Variants in TENM2 observed in about 807,000 individuals in gnomAD.
TENM2 encodes teneurin-2.
In TENM2, 52 loss-of-function variants were observed where a neutral mutation model predicts 245.2. The ratio of observed to expected loss-of-function variants is 0.21; its 90% CI spans 0.17 to 0.27. The LOEUF (loss-of-function observed/expected upper bound fraction) is 0.27. Among genes scored for constraint, TENM2 ranks in the 10% least tolerant of loss-of-function variants. TENM2 has a pLI of 1.00. For synonymous variants in TENM2, 1,363 were observed against 1,438.9 expected, an observed-to-expected ratio of 0.95 and a Z score of 1.19; for missense variants, 3,046 against 3,666.8, an observed-to-expected ratio of 0.83 and a Z score of 4.37.
the TENM2 span, among the ~76,000 whole-genome samples, chr5:167,029,697 G>A: frequency 3.9e-5 from 6 of 152,268 alleles, no homozygotes; most frequent in East Asian, 5.8e-4. Context: ...AATTGCTGAC[G>A]TTTGTCCAGT....
chr5:167,210,451 A>AT, the TENM2 span, among the ~76,000 whole-genome samples: 8,980 of 101,154 alleles, frequency 0.089, 1,329 homozygotes, highest in African/African-American at 0.29. Flanking sequence ...TTTTCACTGC[A>AT]TTTTTTTTTT....
At chr5:167,289,680 C>G (rs533541409) in intron 1 of TENM2, among the ~76,000 whole-genome samples, 347 of 152,260 alleles carry the variant, frequency 2.3e-3, no homozygotes, top group Non-Finnish European at 3.2e-3. Context: ...ATAACTTTTG[C>G]TCTGTATAAT....
At chr5:167,230,563 C>T in the TENM2 span, among the ~76,000 whole-genome samples, 6 of 152,044 alleles carry the variant, frequency 3.9e-5, no homozygotes, top group African/African-American at 1.4e-4. Context: ...TAACGGCTTT[C>T]AAATCTAGTT....
intron 12 of TENM2, among the ~76,000 whole-genome samples, chr5:168,156,281 C>T (rs867495362): frequency 5.7e-4 from 43 of 75,846 alleles, no homozygotes; most frequent in African/African-American, 1.9e-3. Context: ...TTTTTTTTTT[C>T]ACCTCAGTTT....
chr5:168,109,925 G>A (rs377370761), intron 9 of TENM2, among the ~76,000 whole-genome samples: 3 of 152,048 alleles, frequency 2.0e-5, no homozygotes, highest in African/African-American at 7.2e-5. Context: ...TCCAAAACGC[G>A]GCAGCTCCTG....
intron 2 of TENM2, among the ~76,000 whole-genome samples, chr5:167,789,110 T>G (rs1181743980): frequency 6.6e-6 from 1 of 152,242 alleles, no homozygotes; most frequent in Non-Finnish European, 1.5e-5. Context: ...GGTTCATAAA[T>G]GTTTTCTAAT....
At chr5:167,337,660 T>G (rs935165365) in intron 1 of TENM2, among the ~76,000 whole-genome samples, 5 of 152,262 alleles carry the variant, frequency 3.3e-5, no homozygotes, top group African/African-American at 1.2e-4. Flanking sequence ...ATGGGATAAC[T>G]CTAAAGCAGA....
At chr5:167,142,871 C>G in the TENM2 span, among the ~76,000 whole-genome samples, 1 of 151,544 alleles carries the variant, frequency 6.6e-6, no homozygotes, top group Admixed American at 6.6e-5. Context: ...TTTAAGCCAG[C>G]GAATCTGAGT....
chr5:167,525,708 C>T (rs1186604483), intron 2 of TENM2, among the ~76,000 whole-genome samples: 1 of 151,954 alleles, frequency 6.6e-6, no homozygotes, highest in Non-Finnish European at 1.5e-5. Context: ...TTTTAAACTG[C>T]GATCATTTTA....
chr5:167,428,442 C>G (rs1177735127), intron 2 of TENM2, among the ~76,000 whole-genome samples: 2 of 152,156 alleles, frequency 1.3e-5, no homozygotes, highest in Non-Finnish European at 2.9e-5. Flanking sequence ...CGTTACTAAT[C>G]AGCAGCATTC....
At position 168,218,295 on chromosome 5, in the gene TENM2, A is replaced by G; in HGVS notation, c.4404A>G (p.Leu1468=). ...GCATTGACTACTCACTCAGCAAACT[A>G]GCCATTCACTCTGCCCTGGAGTCAG... The change falls in exon 23 of 29, where the codon CTA becomes CTG. Residue 1468 remains leucine, a synonymous_variant. Coordinates refer to ENST00000518659, the Ensembl canonical transcript of TENM2. The surrounding 1 kb of genome is among the most constrained non-coding windows in gnomAD (Gnocchi z 5.2). 1.2e-6 allele frequency: 2 copies of G among 1,613,802 alleles called. No homozygotes were observed. The highest frequency in any genetic ancestry group is 1.7e-6 in the Non-Finnish European group (2 of 1,179,884).
chr5:168,226,079 T>TC lies in TENM2; in HGVS notation c.5109-3dup, dbSNP rs769108187. 6.2e-7 allele frequency: 1 copy of TC among 1,609,340 alleles called. No homozygotes were observed. The highest frequency in any genetic ancestry group is 8.5e-7 in the Non-Finnish European group (1 of 1,178,406). On this transcript the variant is annotated splice_polypyrimidine_tract_variant and intron_variant, in intron 23 of 28. Coordinates refer to ENST00000518659, the Ensembl canonical transcript of TENM2. ...ACCAGGGTTTATCTATCTATCTATC[T>TC]CCCCCCAGCTATGACCACGAAGGCC...
chr5:167,878,275 GTCAC>G (rs1307501084), intron 3 of TENM2, among the ~76,000 whole-genome samples: 3 of 151,966 alleles, frequency 2.0e-5, no homozygotes, highest in Non-Finnish European at 4.4e-5. Flanking sequence ...TCCATTTTTC[GTCAC>G]TCACACCAAT....
At position 168,103,761 on chromosome 5, in the gene TENM2, G is replaced by A. The variant is rs114520030; in HGVS notation, c.1813+5634G>A. ...TCCCCCTCACACATAAGGCAGAGACGTGGGAAGCCTCGATCCCATTGGTCC... is the reference window on the plus strand; with the variant it reads ...TCCCCCTCACACATAAGGCAGAGACATGGGAAGCCTCGATCCCATTGGTCC... On this transcript the variant is annotated intron_variant, in intron 9 of 28. Coordinates refer to ENST00000518659, the Ensembl canonical transcript of TENM2. 1.0e-2 allele frequency among the ~76,000 whole-genome samples: 1,520 copies of A among 152,294 alleles called. 20 individuals are homozygous for A. The highest frequency in any genetic ancestry group is 0.034 in the African/African-American group (1,431 of 41,564).
At chr5:168,110,645 C>T (rs1194241090) in intron 9 of TENM2, among the ~76,000 whole-genome samples, 1 of 152,156 alleles carries the variant, frequency 6.6e-6, no homozygotes, top group African/African-American at 2.4e-5. Context: ...TAATAGGACA[C>T]CAACAACTTG....
chr5:167,012,891 T>G, the TENM2 span, among the ~76,000 whole-genome samples: 8 of 152,224 alleles, frequency 5.3e-5, no homozygotes, highest in South Asian at 1.7e-3. Context: ...AAAGAAAATT[T>G]TATAAGCTAT....
the TENM2 span, among the ~76,000 whole-genome samples, chr5:167,009,194 C>T: frequency 6.6e-6 from 1 of 152,248 alleles, no homozygotes; most frequent in South Asian, 2.1e-4. Context: ...ATCGGATGTA[C>T]AGGTGTGCAT....
the TENM2 span, among the ~76,000 whole-genome samples, chr5:167,039,123 C>T: frequency 6.6e-6 from 1 of 152,144 alleles, no homozygotes; most frequent in South Asian, 2.1e-4. Context: ...AAACCAGAAG[C>T]ATTCTAGGAA....
At chr5:167,865,160 A>C (rs1445612345) in intron 2 of TENM2, among the ~76,000 whole-genome samples, 1 of 152,216 alleles carries the variant, frequency 6.6e-6, no homozygotes, top group African/African-American at 2.4e-5. Context: ...TTGCCCACAT[A>C]GTTTAACGCC....
Sources: allele counts gnomAD v4.1 joint callset (sites outside exome capture counted in the v4.1 genomes callset), GRCh38; gene constraint gnomAD v4.1.1; non-coding constraint Gnocchi (gnomAD v3.1); transcripts MANE v1.5; gene names NCBI Gene and HGNC (gene_info 2026-07-23, HGNC 2026-07-21).